Variants in SMCO4 observed in about 807,000 individuals in gnomAD.
The protein encoded by SMCO4 is single-pass membrane and coiled-coil domain-containing protein 4.
In SMCO4, 4 loss-of-function variants were observed where a neutral mutation model predicts 3.6. That is an observed-to-expected ratio of 1.11 (90% CI 0.54 to 2.53). SMCO4 has a LOEUF of 2.53. Ranked by LOEUF, SMCO4 falls within the 30% of genes most tolerant of loss-of-function variation. The pLI is 0.02. For synonymous variants in SMCO4, 36 were observed against 35.3 expected (o/e 1.02, Z -0.07); for missense variants, 70 against 80.8 (o/e 0.87, Z 0.51).
At chr11:93,534,375 T>TACAG (rs369643237) in intron 1 of SMCO4, among the ~76,000 whole-genome samples, 2 of 142,140 alleles carry the variant, frequency 1.4e-5, no homozygotes, top group African/African-American at 5.3e-5. Context: ...TATATATATA[T>TACAG]AGAGAGAGAG....
chr11:93,489,393 G>A (rs187164113), intron 2 of SMCO4, among the ~76,000 whole-genome samples: 1 of 152,324 alleles, frequency 6.6e-6, no homozygotes, highest in Non-Finnish European at 1.5e-5. Context: ...CTGCTTAGGA[G>A]GCAGGGAGAG....
At chr11:93,503,008 A>T (rs1591312732) in intron 1 of SMCO4, among the ~76,000 whole-genome samples, 1 of 152,164 alleles carries the variant, frequency 6.6e-6, no homozygotes, top group Admixed American at 6.5e-5. Context: ...GATCAGAAAG[A>T]AGAGGTACTG....
intron 1 of SMCO4, among the ~76,000 whole-genome samples, chr11:93,532,531 C>T (rs932988208): frequency 6.6e-6 from 1 of 152,236 alleles, no homozygotes; most frequent in African/African-American, 2.4e-5. Context: ...CACCCTGTCA[C>T]AGGCCTTCTC....
At chr11:93,480,174 T>C (rs1380148095) in intron 2 of SMCO4, among the ~76,000 whole-genome samples, 1 of 152,120 alleles carries the variant, frequency 6.6e-6, no homozygotes, top group Non-Finnish European at 1.5e-5. Flanking sequence ...TAAAGGCCTT[T>C]GGCATCTCAC....
intron 1 of SMCO4, among the ~76,000 whole-genome samples, chr11:93,504,515 A>C (rs2134602168): frequency 6.6e-6 from 1 of 152,356 alleles, no homozygotes; most frequent in East Asian, 1.9e-4. Context: ...CAAAAGCACC[A>C]GTTAATAAAC....
At chr11:93,485,578 T>C (rs1021359707) in intron 2 of SMCO4, among the ~76,000 whole-genome samples, 2 of 152,204 alleles carry the variant, frequency 1.3e-5, no homozygotes, top group Non-Finnish European at 2.9e-5. Flanking sequence ...TGGCAGCTAC[T>C]GCCTAGCTGG....
intron 2 of SMCO4, among the ~76,000 whole-genome samples, chr11:93,489,379 G>A (rs1338558392): frequency 1.3e-5 from 2 of 152,204 alleles, no homozygotes; most frequent in African/African-American, 4.8e-5. Flanking sequence ...TCAAAGAAGA[G>A]CATCTGCTTA....
chr11:93,515,123 CT>C (rs554616650), intron 1 of SMCO4, among the ~76,000 whole-genome samples: 1 of 151,902 alleles, frequency 6.6e-6, no homozygotes, highest in Non-Finnish European at 1.5e-5. Flanking sequence ...TCAGAGAAAG[CT>C]TTTTTTTAGG....
At chr11:93,527,720 C>T (rs1258491797) in intron 1 of SMCO4, among the ~76,000 whole-genome samples, 1 of 152,146 alleles carries the variant, frequency 6.6e-6, no homozygotes, top group East Asian at 1.9e-4. Context: ...CTCAGTCTCC[C>T]AAAGGGCTGG....
At chr11:93,548,820 G>T in the SMCO4 span, among the ~76,000 whole-genome samples, 1 of 152,206 alleles carries the variant, frequency 6.6e-6, no homozygotes, top group African/African-American at 2.4e-5. Context: ...CCTCAAGCAG[G>T]TGGCTCAAGG....
At chr11:93,522,114 T>C (rs150343893) in intron 1 of SMCO4, among the ~76,000 whole-genome samples, 1 of 150,794 alleles carries the variant, frequency 6.6e-6, no homozygotes. Flanking sequence ...AAAAACAAAA[T>C]GTCAGGAAGT....
the SMCO4 span, among the ~76,000 whole-genome samples, chr11:93,548,951 G>A: frequency 2.6e-5 from 4 of 152,202 alleles, no homozygotes; most frequent in African/African-American, 9.7e-5. Context: ...TTTATTTGGT[G>A]TACACTCTAT....
At chr11:93,519,475 A>ATT (rs1360309991) in intron 1 of SMCO4, among the ~76,000 whole-genome samples, 1 of 152,228 alleles carries the variant, frequency 6.6e-6, no homozygotes, top group Admixed American at 6.5e-5. Context: ...CAATTAATTC[A>ATT]TTGTGCATGC....
At chr11:93,517,956 C>T (rs1050950445) in intron 1 of SMCO4, among the ~76,000 whole-genome samples, 4 of 152,210 alleles carry the variant, frequency 2.6e-5, no homozygotes, top group Non-Finnish European at 5.9e-5. Context: ...AAATGAAATG[C>T]ATATAACATA....
the SMCO4 span, among the ~76,000 whole-genome samples, chr11:93,553,296 G>A: frequency 6.6e-6 from 1 of 152,196 alleles, no homozygotes; most frequent in Non-Finnish European, 1.5e-5. Context: ...TTTTCCCAGT[G>A]AGATGGTCTA....
upstream of SMCO4, among the ~76,000 whole-genome samples, chr11:93,547,945 T>C (rs1949325478): frequency 6.6e-6 from 1 of 152,142 alleles, no homozygotes; most frequent in Admixed American, 6.5e-5. Flanking sequence ...ATGCAAGTAA[T>C]GAAGTAAGAG....
intron 1 of SMCO4, among the ~76,000 whole-genome samples, chr11:93,514,421 T>TATAC (rs1271205813): frequency 3.7e-5 from 2 of 53,422 alleles, no homozygotes; most frequent in East Asian, 7.1e-4. Flanking sequence ...TATATATATA[T>TATAC]AAAATTTGGT....
At chr11:93,509,115 C>G (rs1242146222) in intron 1 of SMCO4, among the ~76,000 whole-genome samples, 5 of 151,780 alleles carry the variant, frequency 3.3e-5, no homozygotes, top group Admixed American at 2.0e-4. Context: ...CATGGTGAAA[C>G]CCTGTCTCTA....
chr11:93,529,183 A>G (rs1949140401), intron 1 of SMCO4, among the ~76,000 whole-genome samples: 1 of 152,218 alleles, frequency 6.6e-6, no homozygotes, highest in Admixed American at 6.5e-5. Context: ...CAGTTCCTCT[A>G]AGGAAGCTCT....
Sources: allele counts gnomAD v4.1 joint callset (sites outside exome capture counted in the v4.1 genomes callset), GRCh38; gene constraint gnomAD v4.1.1; transcripts MANE v1.5; gene names NCBI Gene and HGNC (gene_info 2026-07-23, HGNC 2026-07-21).